F13A1: variants seen among roughly 807,000 people sequenced by gnomAD.
F13A1 encodes coagulation factor XIII A chain.
Under a neutral mutation model 80.1 loss-of-function variants are expected in F13A1, and 47 were observed. The ratio of observed to expected loss-of-function variants is 0.59; its 90% CI spans 0.46 to 0.75. The LOEUF (loss-of-function observed/expected upper bound fraction) is 0.75, where lower values mean the gene tolerates loss of function less well. Ranked by LOEUF, F13A1 falls within the 30% of genes least tolerant of loss-of-function variation. The pLI is 0.00. For synonymous variants in F13A1, 349 were observed against 344.9 expected (o/e 1.01, Z -0.13); for missense variants, 817 against 930.4 (o/e 0.88, Z 1.59).
Position 6,167,519 on chromosome 6 carries a change from G to A in F13A1, c.1847C>T (p.Thr616Ile). ...CTTTTGCTTGGCCAGAACATCCCTG[G>A]TCTCATTGATGCGAGCTGTGACAAA... is the stretch of plus-strand genomic sequence containing the variant. ...HFFVTARINE[T>I]RDVLAKQKST... Residue 616 changes from threonine (T) to isoleucine (I), a missense_variant, in exon 13 of 15, where the codon ACC becomes ATC. Physicochemically the swap from Thr to Ile is moderately conservative, Grantham distance 89 (BLOSUM62 -1). Coordinates refer to ENST00000264870, the MANE Select transcript of F13A1 (RefSeq NM_000129.4). 6.2e-7 allele frequency: 1 copy of A among 1,614,024 alleles called. No homozygotes were observed. Among genetic ancestry groups the A allele is most frequent in the South Asian group, 1.1e-5 (1 of 91,072 alleles).
At chr6:6,306,997 T>G (rs1455716358) in intron 2 of F13A1, among the ~76,000 whole-genome samples, 1 of 152,244 alleles carries the variant, frequency 6.6e-6, no homozygotes, top group Non-Finnish European at 1.5e-5. Flanking sequence ...GTTCAGGCAA[T>G]CCTGAGTTTG....
rs1758306391 is a variant in F13A1, at chr6:6,295,336, G to T, written c.319+10015C>A. On this transcript the variant is annotated intron_variant, in intron 3 of 14. Coordinates refer to ENST00000264870, the MANE Select transcript of F13A1 (RefSeq NM_000129.4). ...AATTGCCACACTGACTTCCACAATG[G>T]TTGAACTAGTTTACAGTCCCACCAA... Among the ~76,000 whole-genome samples the T allele has an allele frequency of 1.1e-4, 17 of 147,998 alleles. No individual in the cohort carries two copies. In the South Asian group the frequency reaches 3.6e-3, roughly 31 times the overall value.
chr6:6,241,030 A>C (rs1757477330), intron 6 of F13A1, among the ~76,000 whole-genome samples: 1 of 152,220 alleles, frequency 6.6e-6, no homozygotes, highest in Non-Finnish European at 1.5e-5. Context: ...GAGAGCTCCT[A>C]CTAATTGATA....
At chr6:6,315,313 C>A (rs1343275978) in intron 2 of F13A1, among the ~76,000 whole-genome samples, 1 of 152,208 alleles carries the variant, frequency 6.6e-6, no homozygotes, top group South Asian at 2.1e-4. Flanking sequence ...CGTCTCAGTA[C>A]CTTTCCTGGC....
chr6:6,253,030 G>A (rs1380618483), intron 4 of F13A1, among the ~76,000 whole-genome samples: 1 of 151,196 alleles, frequency 6.6e-6, no homozygotes, highest in African/African-American at 2.4e-5. Flanking sequence ...ATGGTGGTGT[G>A]TGCCTGTAAT....
At chr6:6,262,576 C>T (rs1757791816) in intron 4 of F13A1, among the ~76,000 whole-genome samples, 1 of 152,034 alleles carries the variant, frequency 6.6e-6, no homozygotes, top group Non-Finnish European at 1.5e-5. Context: ...CAGGGAGCAC[C>T]CTCCCGGCAT....
chr6:6,297,658 T>C lies in F13A1; in HGVS notation c.319+7693A>G, dbSNP rs1342806374. On this transcript the variant is annotated intron_variant, in intron 3 of 14. Transcript: ENST00000264870. ...TCTCTTTTTTTCTTTATTAGTCTTG[T>C]TAGCGGTCTATCAATTTTGTTGATC... Among the ~76,000 whole-genome samples, 78 of 145,686 alleles carry C rather than the reference T, an allele frequency of 5.4e-4. 1 individual carries two copies. The highest frequency in any genetic ancestry group is 9.6e-4 in the African/African-American group (35 of 36,290).
At position 6,309,684 on chromosome 6, in the gene F13A1, G is replaced by T. The variant is rs138642215; in HGVS notation, c.131-4145C>A. On this transcript the variant is annotated intron_variant, in intron 2 of 14. Transcript: ENST00000264870. ...CTGAAACAGCAAACTGACATGATTAGATTTATATATATATTGAAACTGCTT... is the reference window on the plus strand; with the variant it reads ...CTGAAACAGCAAACTGACATGATTATATTTATATATATATTGAAACTGCTT... Among the ~76,000 whole-genome samples the T allele has an allele frequency of 7.2e-5, 11 of 152,274 alleles. No individual in the cohort carries two copies. In the East Asian group the frequency reaches 2.1e-3, roughly 29 times the overall value.
chr6:6,205,208 A>G lies in F13A1; in HGVS notation c.1113-7882T>C, dbSNP rs150197516. ...TCTCACTGAGAAGTCACGTGTAAAT[A>G]CAGTCTGATATAGCACAAGAGACCT... On this transcript the variant is annotated intron_variant, in intron 8 of 14. Transcript: ENST00000264870. Among the ~76,000 whole-genome samples, 6 of 152,356 alleles carry G rather than the reference A, an allele frequency of 3.9e-5. No homozygotes were observed. In the East Asian group the frequency reaches 1.2e-3, roughly 29 times the overall value.
At chr6:6,205,021 C>T (rs1761461029) in intron 8 of F13A1, among the ~76,000 whole-genome samples, 1 of 152,192 alleles carries the variant, frequency 6.6e-6, no homozygotes, top group South Asian at 2.1e-4. Flanking sequence ...CATGAATGGC[C>T]TCATTTGCAT....
chr6:6,254,071 A>G (rs1447424916), intron 4 of F13A1, among the ~76,000 whole-genome samples: 1 of 152,230 alleles, frequency 6.6e-6, no homozygotes, highest in Non-Finnish European at 1.5e-5. Flanking sequence ...AATCAGAGAC[A>G]TAAAAACCAA....
At chr6:6,199,440 C>A (rs1236959183) in intron 8 of F13A1, among the ~76,000 whole-genome samples, 1 of 151,436 alleles carries the variant, frequency 6.6e-6, no homozygotes, top group African/African-American at 2.4e-5. Flanking sequence ...CAGTAGTGAG[C>A]TGAGATCACC....
At chr6:6,257,266 GGCTGT>G (rs1293149274) in intron 4 of F13A1, among the ~76,000 whole-genome samples, 4 of 152,152 alleles carry the variant, frequency 2.6e-5, no homozygotes, top group African/African-American at 7.2e-5. Flanking sequence ...GATTCTAACA[GGCTGT>G]GTGTGCTGTG....
intron 2 of F13A1, among the ~76,000 whole-genome samples, chr6:6,315,482 C>T (rs749717065): frequency 1.4e-4 from 22 of 151,944 alleles, no homozygotes; most frequent in Non-Finnish European, 2.6e-4. Context: ...TGAGAGGAAA[C>T]TTACATGAGT....
rs777156690 is a variant in F13A1 at position 6,252,859 on chromosome 6, T to C, written c.572-1930A>G. On this transcript the variant is annotated intron_variant, in intron 4 of 14. Coordinates refer to ENST00000264870, the MANE Select transcript of F13A1 (RefSeq NM_000129.4). ...TCAAAAGCTTATCTGGAAAAAACAA[T>C]GTGAAAGAAAACAGCCAGGCAGGGC... is the stretch of plus-strand genomic sequence containing the variant. Among the ~76,000 whole-genome samples the C allele has an allele frequency of 2.6e-5, 4 of 152,064 alleles. No homozygotes were observed. In the East Asian group the frequency reaches 5.8e-4, roughly 22 times the overall value.
In F13A1 at chr6:6,173,180, C is replaced by T. The variant is rs185893101; in HGVS notation, c.1747+1400G>A. 2.3e-3 allele frequency among the ~76,000 whole-genome samples: 350 copies of T among 152,130 alleles called. 2 individuals carry two copies. The highest frequency in any genetic ancestry group is 3.4e-3 in the Non-Finnish European group (231 of 68,010). Reference sequence around the variant, plus strand: ...GGTCAACTGTTGTGCCCACCAAATACGAACATCCTAGGAAATGTGATTTTT... The same window carrying T: ...GGTCAACTGTTGTGCCCACCAAATATGAACATCCTAGGAAATGTGATTTTT... On this transcript the variant is annotated intron_variant, in intron 12 of 14. Coordinates refer to ENST00000264870, the MANE Select transcript of F13A1 (RefSeq NM_000129.4).
Position 6,215,095 on chromosome 6 carries a change from A to G in F13A1, c.1112+6938T>C, listed in dbSNP as rs1368822123. Among the ~76,000 whole-genome samples the G allele has an allele frequency of 4.5e-4, 54 of 119,106 alleles. 2 individuals carry two copies. In the East Asian group the frequency reaches 0.011, roughly 25 times the overall value. The allele number at this position is 119,106 out of a possible 152,430, so 78.1% of individuals were successfully genotyped here. On this transcript the variant is annotated intron_variant, in intron 8 of 14. Transcript: ENST00000264870. The stretch of plus-strand genomic sequence containing the variant: ...GATGGATTCACAGCCGAATTCTACC[A>G]GAGGTACAAGGAGGAACTGGTACCA...
At chr6:6,298,345 G>A (rs1758363820) in intron 3 of F13A1, among the ~76,000 whole-genome samples, 1 of 149,512 alleles carries the variant, frequency 6.7e-6, no homozygotes, top group African/African-American at 2.5e-5. Context: ...GTTGACAGTG[G>A]GGTGTTAAAG....
chr6:6,262,376 G>T (rs1489924642), intron 4 of F13A1, among the ~76,000 whole-genome samples: 2 of 152,234 alleles, frequency 1.3e-5, no homozygotes, highest in African/African-American at 4.8e-5. Context: ...TGCTTTTGTT[G>T]TTGTTGCCAA....
Sources: allele counts gnomAD v4.1 joint callset (sites outside exome capture counted in the v4.1 genomes callset), GRCh38; gene constraint gnomAD v4.1.1; transcripts MANE v1.5; gene names NCBI Gene and HGNC (gene_info 2026-07-23, HGNC 2026-07-21).